KRTAP1-5: variants seen among roughly 807,000 people sequenced by gnomAD.
The protein encoded by KRTAP1-5 is keratin associated protein 1-5.
In KRTAP1-5, 10 loss-of-function variants were observed where a neutral mutation model predicts 14.2. The ratio of observed to expected loss-of-function variants is 0.70; its 90% CI spans 0.43 to 1.19. KRTAP1-5 has a LOEUF of 1.19. KRTAP1-5 is among the 50% of genes most tolerant of loss of function. The pLI, the probability that KRTAP1-5 is intolerant of heterozygous loss-of-function variation, is 0.00. For missense variants in KRTAP1-5, 234 were observed against 223.5 expected, an observed-to-expected ratio of 1.05 and a Z score of -0.30; for synonymous variants, 107 against 80.2, an observed-to-expected ratio of 1.33 and a Z score of -1.79.
At position 41,026,528 on chromosome 17, in the gene KRTAP1-5, G is replaced by A. The variant is rs573611431; in HGVS notation, c.*103C>T. 15 of 1,259,248 alleles carry A rather than the reference G, an allele frequency of 1.2e-5. No individual in the cohort carries two copies. In the South Asian group the frequency reaches 1.3e-4, roughly 11 times the overall value. 78.0% of individuals were successfully genotyped at this position (1,259,248 alleles called of 1,614,324 possible). A position where few individuals can be genotyped will look rare whatever the true frequency, so the allele number is the denominator to read the frequency against. On this transcript the variant is annotated 3_prime_UTR_variant, in exon 1 of 1. Transcript: ENST00000361883. ...ATATACTTAGTAGTCTCCATCACAAGCAATGCAAAGTCTGAGAACTTGTTA... is the reference window on the plus strand; with the variant it reads ...ATATACTTAGTAGTCTCCATCACAAACAATGCAAAGTCTGAGAACTTGTTA...
chr17:41,027,009 G>T lies in KRTAP1-5; in HGVS notation c.147C>A (p.Ser49Arg). Residue 49 changes from serine (S) to arginine (R), a missense_variant, in exon 1 of 1, where the codon AGC (serine) becomes AGA (arginine). Coordinates refer to ENST00000361883, the MANE Select transcript of KRTAP1-5 (RefSeq NM_031957.2). ...AGCTGCAGGTCCCACTGGTTGAGAA[G>T]CTGGGAAATCCGCAGAAGCTAGTCT... ...SCQTSFCGFP[S>R]FSTSGTCSSS... is the part of the protein sequence containing the mutation. The T allele has an allele frequency of 1.2e-6, 2 of 1,608,708 alleles. No homozygotes were observed. Among genetic ancestry groups the T allele is most frequent in the Non-Finnish European group, 1.7e-6 (2 of 1,179,028 alleles).
chr17:41,026,182 C>T lies in KRTAP1-5; in HGVS notation c.*449G>A, dbSNP rs184039959. 45 of 162,700 alleles carry T rather than the reference C, an allele frequency of 2.8e-4. No individual in the cohort carries two copies. Among genetic ancestry groups the T allele is most frequent in the African/African-American group, 9.6e-4 (40 of 41,848 alleles). 10.1% of individuals were successfully genotyped at this position (162,700 alleles called of 1,614,324 possible). A position where few individuals can be genotyped will look rare whatever the true frequency, so the allele number is the denominator to read the frequency against. On this transcript the variant is annotated 3_prime_UTR_variant, in exon 1 of 1. Coordinates refer to ENST00000361883, the MANE Select transcript of KRTAP1-5 (RefSeq NM_031957.2). ...GAAAGTCCAGCCTACTTCTTAGAAG[C>T]TGAATGTTGGGTGATGAGCTTCCAT...
In KRTAP1-5 at chr17:41,026,998, C is replaced by G; in HGVS notation, c.158G>C (p.Ser53Thr). 6.2e-7 allele frequency: 1 copy of G among 1,608,654 alleles called. No homozygotes were observed. Among genetic ancestry groups the G allele is most frequent in the Non-Finnish European group, 8.5e-7 (1 of 1,179,050 alleles). ...SFCGFPSFST[S>T]GTCSSSCCQP... ...GCAGCAACTGGAGCTGCAGGTCCCACTGGTTGAGAAGCTGGGAAATCCGCA... is the reference window on the plus strand; with the variant it reads ...GCAGCAACTGGAGCTGCAGGTCCCAGTGGTTGAGAAGCTGGGAAATCCGCA... The change falls in exon 1 of 1, where the codon AGT becomes ACT. Residue 53 changes from serine to threonine, a missense_variant. Transcript: ENST00000361883.
rs891911378 is a variant in KRTAP1-5, at chr17:41,026,442, T to G, written c.*189A>C. On this transcript the variant is annotated 3_prime_UTR_variant, in exon 1 of 1. Transcript: ENST00000361883. Reference sequence around the variant, plus strand: ...AGCAGGTGGCTTTGTAGCATTTCTGTGTCCCCAGTGAAGGGTCAAGGTATT... The same window carrying G: ...AGCAGGTGGCTTTGTAGCATTTCTGGGTCCCCAGTGAAGGGTCAAGGTATT... The G allele has an allele frequency of 3.4e-5, 20 of 594,048 alleles. No individual in the cohort carries two copies. The Admixed American group carries it at 6.8e-4, about 20-fold the overall frequency. 36.8% of individuals were successfully genotyped at this position (594,048 alleles called of 1,614,324 possible). A position where few individuals can be genotyped will look rare whatever the true frequency, so the allele number is the denominator to read the frequency against.
In KRTAP1-5 at chr17:41,026,940, C is replaced by T. The variant is rs370968080; in HGVS notation, c.216G>A (p.Gln72=). The T allele has an allele frequency of 4.0e-5, 65 of 1,613,132 alleles. No homozygotes were observed. Among genetic ancestry groups the T allele is most frequent in the Non-Finnish European group, 5.0e-5 (59 of 1,179,876 alleles). The change falls in exon 1 of 1, where the codon CAG becomes CAA. Residue 72 remains glutamine, a synonymous_variant. Transcript: ENST00000361883. ...QPSCCETSCC[Q]PSCCETSCCQ... ...AGCAGCTGGTCTCACAGCAGCTTGG[C>T]TGGCAGCAGCTGGTCTCACAGCAGC...
In KRTAP1-5 at chr17:41,026,648, A is replaced by AGCAGCAGACTGGGCG. The variant is rs775707897; in HGVS notation, c.493_507dup (p.Arg165_Cys169dup). 5 of 1,604,254 alleles carry AGCAGCAGACTGGGCG rather than the reference A, an allele frequency of 3.1e-6. No individual in the cohort carries two copies. In the African/African-American group the frequency reaches 4.0e-5, roughly 13 times the overall value. ...ACTGGCTTTCAGCAAGTGGGCTCACAGCAGCAGACTGGGCGGCAGCAGGAC... is the reference window on the plus strand; with the variant it reads ...ACTGGCTTTCAGCAAGTGGGCTCACAGCAGCAGACTGGGCGGCAGCAGACTGGGCGGCAGCAGGAC... On this transcript the variant is annotated inframe_insertion, in exon 1 of 1. Coordinates refer to ENST00000361883, the MANE Select transcript of KRTAP1-5 (RefSeq NM_031957.2).
At position 41,027,042 on chromosome 17, in the gene KRTAP1-5, G is replaced by T; in HGVS notation, c.114C>A (p.Arg38=). ...SCCETSCCQP[R]SCQTSFCGFP... ...ATCCGCAGAAGCTAGTCTGGCAGCT[G>T]CGTGGCTGGCAGCAGCTGGTCTCAC... Residue 38 remains arginine, a synonymous_variant, in exon 1 of 1, where the codon CGC becomes CGA. Transcript: ENST00000361883. The T allele has an allele frequency of 6.2e-7, 1 of 1,608,218 alleles. No homozygotes were observed. Among genetic ancestry groups the T allele is most frequent in the Non-Finnish European group, 8.5e-7 (1 of 1,178,706 alleles).
In KRTAP1-5 at chr17:41,026,625, T is replaced by C; in HGVS notation, c.*6A>G. 2 of 1,588,196 alleles carry C rather than the reference T, an allele frequency of 1.3e-6. No individual in the cohort carries two copies. Among genetic ancestry groups the C allele is most frequent in the Non-Finnish European group, 1.7e-6 (2 of 1,164,692 alleles). On this transcript the variant is annotated 3_prime_UTR_variant, in exon 1 of 1. Transcript: ENST00000361883. ...CCTAGGCAATTGAAAATAAGCAAAC[T>C]GGCTTTCAGCAAGTGGGCTCACAGC...
Position 41,026,369 on chromosome 17 carries a change from A to G in KRTAP1-5, c.*262T>C. ...TTCCACAACATGTCAGTAATTTTTAATCCTGCAGAAATATCAGAAATAGTA... is the reference window on the plus strand; with the variant it reads ...TTCCACAACATGTCAGTAATTTTTAGTCCTGCAGAAATATCAGAAATAGTA... On this transcript the variant is annotated 3_prime_UTR_variant, in exon 1 of 1. Coordinates refer to ENST00000361883, the MANE Select transcript of KRTAP1-5 (RefSeq NM_031957.2). The G allele has an allele frequency of 2.2e-6, 1 of 447,974 alleles. No homozygotes were observed. The highest frequency in any genetic ancestry group is 3.3e-5 in the East Asian group (1 of 30,742). The allele number at this position is 447,974 out of a possible 1,614,324, so 27.7% of individuals were successfully genotyped here.
At position 41,026,983 on chromosome 17, in the gene KRTAP1-5, G is replaced by A. The variant is rs780130055; in HGVS notation, c.173C>T (p.Ser58Phe). The change falls in exon 1 of 1, where the codon TCC (serine) becomes TTC (phenylalanine). Residue 58 changes from serine (S) to phenylalanine (F), a missense_variant. By Grantham distance (155) the Ser-to-Phe change is radical. Transcript: ENST00000361883. ...ACAGCAGCTTGGCTGGCAGCAACTG[G>A]AGCTGCAGGTCCCACTGGTTGAGAA... Reference protein sequence around the residue: ...PSFSTSGTCSSSCCQPSCCET... With the variant: ...PSFSTSGTCSFSCCQPSCCET... 1 of 1,609,228 alleles carries A rather than the reference G, an allele frequency of 6.2e-7. No individual in the cohort carries two copies.
chr17:41,026,399 C>T lies in KRTAP1-5; in HGVS notation c.*232G>A. ...GCAGAAATATCAGAAATAGTATATC[C>T]CAAGCAAATTGATGATCAGCAGGTG... On this transcript the variant is annotated 3_prime_UTR_variant, in exon 1 of 1. Transcript: ENST00000361883. 1 of 512,568 alleles carries T rather than the reference C, an allele frequency of 2.0e-6. No homozygotes were observed. The highest frequency in any genetic ancestry group is 3.5e-6 in the Non-Finnish European group (1 of 288,068). The allele number at this position is 512,568 out of a possible 1,614,324, so 31.8% of individuals were successfully genotyped here. A position where few individuals can be genotyped will look rare whatever the true frequency, so the allele number is the denominator to read the frequency against.
chr17:41,026,553 A>G lies in KRTAP1-5; in HGVS notation c.*78T>C. ...GCAATGCAAAGTCTGAGAACTTGTT[A>G]GTGGTCCAGAGGTGGTCAAGGGATG... is the stretch of plus-strand genomic sequence containing the variant. On this transcript the variant is annotated 3_prime_UTR_variant, in exon 1 of 1. Transcript: ENST00000361883. The G allele has an allele frequency of 6.9e-7, 1 of 1,452,392 alleles. No individual in the cohort carries two copies. Among genetic ancestry groups the G allele is most frequent in the Non-Finnish European group, 9.3e-7 (1 of 1,074,350 alleles). 90.0% of individuals were successfully genotyped at this position (1,452,392 alleles called of 1,614,324 possible). A position where few individuals can be genotyped will look rare whatever the true frequency, so the allele number is the denominator to read the frequency against.
At position 41,026,335 on chromosome 17, in the gene KRTAP1-5, A is replaced by G. The variant is rs1462291591; in HGVS notation, c.*296T>C. Reference sequence around the variant, plus strand: ...AACATTAGACTTGTGGATAGTTCTCATGGATAAATTCCACAACATGTCAGT... The same window carrying G: ...AACATTAGACTTGTGGATAGTTCTCGTGGATAAATTCCACAACATGTCAGT... On this transcript the variant is annotated 3_prime_UTR_variant, in exon 1 of 1. Coordinates refer to ENST00000361883, the MANE Select transcript of KRTAP1-5 (RefSeq NM_031957.2). 2.5e-6 allele frequency: 1 copy of G among 405,658 alleles called. No homozygotes were observed. The highest frequency in any genetic ancestry group is 4.4e-6 in the Non-Finnish European group (1 of 228,284). 25.1% of individuals were successfully genotyped at this position (405,658 alleles called of 1,614,324 possible).
rs12937940 is a variant in KRTAP1-5 at position 41,026,170 on chromosome 17, A to T, written c.*461T>A. The T allele has an allele frequency of 0.045, 7,166 of 160,580 alleles. 230 individuals are homozygous for T. Among genetic ancestry groups the T allele is most frequent in the Middle Eastern group, 0.093 (30 of 324 alleles). The allele number at this position is 160,580 out of a possible 1,614,324, so 9.9% of individuals were successfully genotyped here. A position where few individuals can be genotyped will look rare whatever the true frequency, so the allele number is the denominator to read the frequency against. The stretch of plus-strand genomic sequence containing the variant: ...TGTTAAAATGTGGAAAGTCCAGCCT[A>T]CTTCTTAGAAGCTGAATGTTGGGTG... On this transcript the variant is annotated 3_prime_UTR_variant, in exon 1 of 1. Transcript: ENST00000361883.
In KRTAP1-5 at chr17:41,026,631, T is replaced by G. The variant is rs980667782; in HGVS notation, c.525A>C (p.Ter175CysextTer10). ...CAATTGAAAATAAGCAAACTGGCTT[T>G]CAGCAAGTGGGCTCACAGCAGCAGA... The part of the protein sequence containing the change: ...RPVCCCEPTC[*>C] Residue 175 changes from the stop codon to cysteine, a stop_lost, in exon 1 of 1, where the codon TGA (stop) becomes TGC (cysteine). Coordinates refer to ENST00000361883, the MANE Select transcript of KRTAP1-5 (RefSeq NM_031957.2). 1 of 1,592,394 alleles carries G rather than the reference T, an allele frequency of 6.3e-7. No homozygotes were observed. The highest frequency in any genetic ancestry group is 1.3e-5 in the African/African-American group (1 of 74,574).
At position 41,026,962 on chromosome 17, in the gene KRTAP1-5, C is replaced by G; in HGVS notation, c.194G>C (p.Cys65Ser). Residue 65 changes from cysteine (C) to serine (S), a missense_variant, in exon 1 of 1, where the codon TGC becomes TCC. Coordinates refer to ENST00000361883, the MANE Select transcript of KRTAP1-5 (RefSeq NM_031957.2). ...TCSSSCCQPS[C>S]CETSCCQPSC... ...TGGCTGGCAGCAGCTGGTCTCACAGCAGCTTGGCTGGCAGCAACTGGAGCT... is the reference window on the plus strand; with the variant it reads ...TGGCTGGCAGCAGCTGGTCTCACAGGAGCTTGGCTGGCAGCAACTGGAGCT... 6.2e-7 allele frequency: 1 copy of G among 1,612,772 alleles called. No individual in the cohort carries two copies. Among genetic ancestry groups the G allele is most frequent in the Non-Finnish European group, 8.5e-7 (1 of 1,179,724 alleles).
At position 41,026,557 on chromosome 17, in the gene KRTAP1-5, G is replaced by T; in HGVS notation, c.*74C>A. 1 of 1,492,378 alleles carries T rather than the reference G, an allele frequency of 6.7e-7. No individual in the cohort carries two copies. The highest frequency in any genetic ancestry group is 9.1e-7 in the Non-Finnish European group (1 of 1,102,328). 92.4% of individuals were successfully genotyped at this position (1,492,378 alleles called of 1,614,324 possible). On this transcript the variant is annotated 3_prime_UTR_variant, in exon 1 of 1. Transcript: ENST00000361883. Reference sequence around the variant, plus strand: ...TGCAAAGTCTGAGAACTTGTTAGTGGTCCAGAGGTGGTCAAGGGATGAACA... The same window carrying T: ...TGCAAAGTCTGAGAACTTGTTAGTGTTCCAGAGGTGGTCAAGGGATGAACA...
In KRTAP1-5 at chr17:41,026,542, G is replaced by A. The variant is rs968841871; in HGVS notation, c.*89C>T. On this transcript the variant is annotated 3_prime_UTR_variant, in exon 1 of 1. Transcript: ENST00000361883. Reference sequence around the variant, plus strand: ...CTCCATCACAAGCAATGCAAAGTCTGAGAACTTGTTAGTGGTCCAGAGGTG... The same window carrying A: ...CTCCATCACAAGCAATGCAAAGTCTAAGAACTTGTTAGTGGTCCAGAGGTG... The A allele has an allele frequency of 2.1e-6, 3 of 1,406,922 alleles. No homozygotes were observed. The highest frequency in any genetic ancestry group is 1.4e-5 in the African/African-American group (1 of 69,542). 87.2% of individuals were successfully genotyped at this position (1,406,922 alleles called of 1,614,324 possible).
Position 41,026,332 on chromosome 17 carries a change from C to T in KRTAP1-5, c.*299G>A. On this transcript the variant is annotated 3_prime_UTR_variant, in exon 1 of 1. Coordinates refer to ENST00000361883, the MANE Select transcript of KRTAP1-5 (RefSeq NM_031957.2). ...GGAAACATTAGACTTGTGGATAGTT[C>T]TCATGGATAAATTCCACAACATGTC... 2.5e-6 allele frequency: 1 copy of T among 399,926 alleles called. No individual in the cohort carries two copies. Among genetic ancestry groups the T allele is most frequent in the Non-Finnish European group, 4.4e-6 (1 of 224,824 alleles). 24.8% of individuals were successfully genotyped at this position (399,926 alleles called of 1,614,324 possible). A position where few individuals can be genotyped will look rare whatever the true frequency, so the allele number is the denominator to read the frequency against.
Sources: gnomAD v4.1 joint callset for allele counts on GRCh38, gnomAD v4.1.1 for gene constraint, MANE v1.5 for transcripts, NCBI Gene and HGNC (gene_info 2026-07-23, HGNC 2026-07-21) for gene names.